CUX1: variants seen among roughly 807,000 people sequenced by gnomAD.
CUX1 encodes protein CASP.
Under a neutral mutation model 158.8 loss-of-function variants are expected in CUX1, and 31 were observed. That is an observed-to-expected ratio of 0.20 (90% CI 0.15 to 0.26). CUX1 has a LOEUF of 0.26. CUX1 is among the 10% of genes least tolerant of loss of function. The pLI is 1.00. For missense variants in CUX1, 1,589 were observed against 2,014.6 expected, an observed-to-expected ratio of 0.79 and a Z score of 4.04; for synonymous variants, 879 against 862.1, an observed-to-expected ratio of 1.02 and a Z score of -0.34.
At chr7:102,140,717 T>C (rs892844031) in intron 8 of CUX1, among the ~76,000 whole-genome samples, 4 of 151,892 alleles carry the variant, frequency 2.6e-5, no homozygotes, top group African/African-American at 9.7e-5. Flanking sequence ...AAAAAAAATT[T>C]AGCTGAGCGT....
chr7:101,970,538 A>T (rs1489998029), intron 2 of CUX1, among the ~76,000 whole-genome samples: 1 of 151,960 alleles, frequency 6.6e-6, no homozygotes, highest in Non-Finnish European at 1.5e-5. Context: ...AGTATCCCAG[A>T]CCTTCCCATG....
chr7:101,911,242 G>A (rs1478446686), intron 1 of CUX1, among the ~76,000 whole-genome samples: 1 of 152,246 alleles, frequency 6.6e-6, no homozygotes, highest in Non-Finnish European at 1.5e-5. Flanking sequence ...TGGCCCTCCA[G>A]TGGATGGCCT....
chr7:102,073,453 G>A (rs551751743), intron 4 of CUX1, among the ~76,000 whole-genome samples: 29 of 152,178 alleles, frequency 1.9e-4, no homozygotes, highest in African/African-American at 6.7e-4. Context: ...GATTACAGGC[G>A]TGAGCCACCA....
At chr7:102,141,469 G>C (rs1257688426) in intron 8 of CUX1, among the ~76,000 whole-genome samples, 2 of 152,210 alleles carry the variant, frequency 1.3e-5, no homozygotes, top group East Asian at 3.8e-4. Context: ...TTGGTCAGAA[G>C]ATGCCAGGAT....
In CUX1 at chr7:101,984,121, TATATATATACACAC is replaced by T. The variant is rs1563091980; in HGVS notation, c.142-43975_142-43962del. 1.2e-4 allele frequency among the ~76,000 whole-genome samples: 5 copies of T among 41,648 alleles called. 1 individual carries two copies. Among genetic ancestry groups the T allele is most frequent in the African/African-American group, 4.1e-4 (5 of 12,200 alleles). The allele number at this position is 41,648 out of a possible 152,430, so 27.3% of individuals were successfully genotyped here. A position where few individuals can be genotyped will look rare whatever the true frequency, so the allele number is the denominator to read the frequency against. On this transcript the variant is annotated intron_variant, in intron 2 of 23. Transcript: ENST00000292535. ...ATATATATATATATATATATATATA[TATATATATACACAC>T]ACACATATATATATGTGTGTGTGTG...
intron 23 of CUX1, among the ~76,000 whole-genome samples, chr7:102,247,418 ACTG>A (rs1202986688): frequency 6.6e-6 from 1 of 152,214 alleles, no homozygotes; most frequent in Non-Finnish European, 1.5e-5. Flanking sequence ...AGCCTTCGTT[ACTG>A]CACACCAGGC....
At chr7:102,045,839 T>C (rs556394882) in intron 3 of CUX1, among the ~76,000 whole-genome samples, 2 of 152,358 alleles carry the variant, frequency 1.3e-5, no homozygotes, top group East Asian at 1.9e-4. Context: ...AGAGTGGGCC[T>C]TCCCAGCTGT....
intron 1 of CUX1, among the ~76,000 whole-genome samples, chr7:101,841,224 T>G (rs1795170313): frequency 6.6e-6 from 1 of 152,180 alleles, no homozygotes; most frequent in Non-Finnish European, 1.5e-5. Flanking sequence ...TTTTGGCATT[T>G]TATAATTTTC....
intron 23 of CUX1, among the ~76,000 whole-genome samples, chr7:102,241,271 T>C (rs1211144626): frequency 6.6e-6 from 1 of 152,146 alleles, no homozygotes; most frequent in Admixed American, 6.5e-5. Context: ...TTGCTGATCA[T>C]AGCTATAACC....
chr7:102,120,332 C>T (rs921236189), intron 8 of CUX1, among the ~76,000 whole-genome samples: 3 of 152,204 alleles, frequency 2.0e-5, no homozygotes, highest in Non-Finnish European at 4.4e-5. Context: ...TTGCATTCCT[C>T]CCCACTCGTG....
intron 2 of CUX1, among the ~76,000 whole-genome samples, chr7:101,984,089 A>AAAAATATAT (rs1221503978): frequency 3.4e-4 from 10 of 29,822 alleles, no homozygotes; most frequent in Non-Finnish European, 5.6e-4. Context: ...AAAAAAAAAA[A>AAAAATATAT]ATATATATAT....
intron 20 of CUX1, among the ~76,000 whole-genome samples, chr7:102,214,891 G>C (rs1796899616): frequency 1.3e-5 from 2 of 152,250 alleles, no homozygotes; most frequent in South Asian, 4.1e-4. Context: ...TGTTGGGTCT[G>C]TCCTTTCCTT....
intron 2 of CUX1, among the ~76,000 whole-genome samples, chr7:102,004,996 C>A (rs1210183311): frequency 6.6e-6 from 1 of 152,204 alleles, no homozygotes; most frequent in Non-Finnish European, 1.5e-5. Flanking sequence ...CAGCAGCTGG[C>A]TGGTTTTGGC....
intron 23 of CUX1, among the ~76,000 whole-genome samples, chr7:102,245,921 G>A (rs1207836739): frequency 6.6e-6 from 1 of 150,882 alleles, no homozygotes; most frequent in Non-Finnish European, 1.5e-5. Flanking sequence ...GCAGTGAGCT[G>A]AGATCGCACC....
chr7:102,194,476 C>T (rs1371138067), intron 13 of CUX1, among the ~76,000 whole-genome samples: 3 of 151,740 alleles, frequency 2.0e-5, no homozygotes, highest in Non-Finnish European at 4.4e-5. Flanking sequence ...GACATATACC[C>T]GTGGTCCCAG....
At chr7:102,266,219 A>AAAAG (rs1554545041) in intron 14 of CUX1, among the ~76,000 whole-genome samples, 5 of 147,700 alleles carry the variant, frequency 3.4e-5, no homozygotes, top group African/African-American at 1.3e-4. Context: ...AAAAAAAAAA[A>AAAAG]AGAGAGAGAG....
At chr7:102,283,084 GCAGTGATACCCCGGGGCCTCCCCCGTGA>G (rs782202808) in exon 23 of CUX1, 1 of 1,613,512 alleles carries the variant, frequency 6.2e-7, no homozygotes, top group Non-Finnish European at 8.5e-7. Context: ...GTGACTTGTG[GCAGTGATACCCCGGGGCCTCCCCCGTGA>G]CAGTGACGGC....
chr7:102,047,222 G>A (rs181619279), intron 3 of CUX1, among the ~76,000 whole-genome samples: 7 of 152,266 alleles, frequency 4.6e-5, no homozygotes, highest in South Asian at 4.1e-4. Context: ...AGTGCTTGGC[G>A]CTCTGTTAAG....
intron 23 of CUX1, among the ~76,000 whole-genome samples, chr7:102,242,600 C>A (rs565742184): frequency 3.3e-5 from 5 of 152,328 alleles, no homozygotes; most frequent in Admixed American, 6.5e-5. Flanking sequence ...ATAACGCTTT[C>A]TATAATATAG....
Sources: allele counts gnomAD v4.1 joint callset (sites outside exome capture counted in the v4.1 genomes callset), GRCh38; gene constraint gnomAD v4.1.1; transcripts MANE v1.5; gene names NCBI Gene and HGNC (gene_info 2026-07-23, HGNC 2026-07-21).